The following PDK1 variants were observed in gnomAD, a reference collection of about 807,000 sequenced individuals.
PDK1 encodes the protein [Pyruvate dehydrogenase (acetyl-transferring)] kinase isozyme 1, mitochondrial.
A neutral mutation model predicts 54.2 loss-of-function variants in PDK1; 39 were observed. That is an observed-to-expected ratio of 0.72 (90% CI 0.56 to 0.94). The LOEUF is 0.94. Ranked by LOEUF, PDK1 falls within the 40% of genes least tolerant of loss-of-function variation. The probability of loss-of-function intolerance (pLI) is 0.00; values close to 1 mark genes in which losing one functional copy is unlikely to be tolerated. For synonymous variants in PDK1, 221 were observed against 207.1 expected, an observed-to-expected ratio of 1.07 and a Z score of -0.58; for missense variants, 552 against 566.0, an observed-to-expected ratio of 0.98 and a Z score of 0.25.
chr2:172,562,472 T>C (rs1688707345), intron 3 of PDK1, among the ~76,000 whole-genome samples, 181 bp downstream of exon 3: 1 of 152,238 alleles, frequency 6.6e-6, no homozygotes, highest in Non-Finnish European at 1.5e-5. Context: ...TTCGTGTTCC[T>C]CTTTAACAAA....
At chr2:172,684,329 G>A in the PDK1 span, among the ~76,000 whole-genome samples, 1 of 152,124 alleles carries the variant, frequency 6.6e-6, no homozygotes, top group Non-Finnish European at 1.5e-5. Context: ...CACTGAGGTG[G>A]GAGGATTGCT....
At chr2:172,676,553 G>C in the PDK1 span, among the ~76,000 whole-genome samples, 1 of 152,196 alleles carries the variant, frequency 6.6e-6, no homozygotes, top group Non-Finnish European at 1.5e-5. Context: ...AGATGTGACT[G>C]AATTGCTACA....
At chr2:172,563,345 G>A (rs1178090137) in intron 3 of PDK1, among the ~76,000 whole-genome samples, 1 of 152,126 alleles carries the variant, frequency 6.6e-6, no homozygotes, top group Non-Finnish European at 1.5e-5. Context: ...GAGTTTTGTT[G>A]TTTGTATTTT....
chr2:172,650,168 A>T, the PDK1 span, among the ~76,000 whole-genome samples: 1 of 152,214 alleles, frequency 6.6e-6, no homozygotes, highest in East Asian at 1.9e-4. Flanking sequence ...GCCAGAAGAG[A>T]GTGGGGGCCA....
chr2:172,581,343 C>T (rs187413481), intron 8 of PDK1, among the ~76,000 whole-genome samples: 4 of 152,074 alleles, frequency 2.6e-5, no homozygotes, highest in African/African-American at 7.2e-5. Flanking sequence ...CGTCTGCCTC[C>T]GCCTCCCAAA....
the PDK1 span, among the ~76,000 whole-genome samples, chr2:172,671,808 C>G: frequency 6.6e-6 from 1 of 152,118 alleles, no homozygotes; most frequent in Non-Finnish European, 1.5e-5. Flanking sequence ...TTTATCATTG[C>G]CCTTAGGATA....
chr2:172,680,518 T>G, the PDK1 span, among the ~76,000 whole-genome samples: 12 of 151,978 alleles, frequency 7.9e-5, no homozygotes, highest in African/African-American at 2.9e-4. Context: ...TGCCCACTAA[T>G]TTTTATTTAT....
chr2:172,562,280 A>G lies in PDK1; in HGVS notation c.399A>G (p.Lys133=). ...AGGACAAAAGTGCTGAGGATGCTAA[A>G]GCTATTTATGAGTAAGTTCACTATT... ...DFKDKSAEDA[K]AIYDFTDTVI... The change falls in exon 3 of 11, where the codon AAA becomes AAG. Residue 133 remains lysine, a synonymous_variant. Transcript: ENST00000282077. 6.3e-7 allele frequency: 1 copy of G among 1,591,500 alleles called. No homozygotes were observed. The highest frequency in any genetic ancestry group is 1.3e-5 in the African/African-American group (1 of 74,606).
Position 172,586,275 on chromosome 2 carries a change from T to C in PDK1, c.946-3T>C. Reference sequence around the variant, plus strand: ...ATAGAGCACGATCCTTTTCTTACCTTAGATGAGTGACCGAGGAGGTGGCGT... The same window carrying C: ...ATAGAGCACGATCCTTTTCTTACCTCAGATGAGTGACCGAGGAGGTGGCGT... On this transcript the variant is annotated splice_region_variant and splice_polypyrimidine_tract_variant and intron_variant, in intron 8 of 10. Transcript: ENST00000282077. 1 of 1,592,274 alleles carries C rather than the reference T, an allele frequency of 6.3e-7. No individual in the cohort carries two copies. The highest frequency in any genetic ancestry group is 8.6e-7 in the Non-Finnish European group (1 of 1,160,382).
chr2:172,660,020 C>T, the PDK1 span, among the ~76,000 whole-genome samples: 3 of 152,014 alleles, frequency 2.0e-5, no homozygotes, highest in South Asian at 2.1e-4. Context: ...TCTGATGCTG[C>T]ATGGGGGTTC....
chr2:172,634,552 C>T, the PDK1 span, among the ~76,000 whole-genome samples: 1 of 151,924 alleles, frequency 6.6e-6, no homozygotes. Context: ...GGATGCCAGG[C>T]GTGAGCCACC....
chr2:172,722,236 C>A, the PDK1 span, among the ~76,000 whole-genome samples: 1 of 152,352 alleles, frequency 6.6e-6, no homozygotes, highest in African/African-American at 2.4e-5. Flanking sequence ...ATCCCCCAAG[C>A]CTGGAGTCAA....
the PDK1 span, among the ~76,000 whole-genome samples, chr2:172,715,586 A>G: frequency 6.6e-6 from 1 of 152,192 alleles, no homozygotes; most frequent in Non-Finnish European, 1.5e-5. Flanking sequence ...TTGAGTTGTT[A>G]TGTGACAACT....
the PDK1 span, among the ~76,000 whole-genome samples, chr2:172,673,301 A>G: frequency 1.1e-4 from 17 of 152,246 alleles, 1 homozygote; most frequent in East Asian, 1.9e-3. Context: ...CGCATGTTCA[A>G]TTGAGGCATT....
the PDK1 span, among the ~76,000 whole-genome samples, chr2:172,691,116 G>A: frequency 4.0e-4 from 60 of 150,378 alleles, 7 homozygotes; most frequent in Admixed American, 4.0e-3. Context: ...ATTTTTAAAA[G>A]CGACTAGCTT....
intron 2 of PDK1, among the ~76,000 whole-genome samples, chr2:172,560,869 A>C (rs1688619233): frequency 6.6e-6 from 1 of 152,216 alleles, no homozygotes; most frequent in Admixed American, 6.5e-5. Flanking sequence ...GCTTCAAACA[A>C]ATGAGTTGCC....
the PDK1 span, among the ~76,000 whole-genome samples, chr2:172,651,189 T>C: frequency 6.6e-6 from 1 of 152,084 alleles, no homozygotes; most frequent in Non-Finnish European, 1.5e-5. Context: ...ACCGCTCAAC[T>C]ACATGGAAAC....
At chr2:172,577,272 TTG>T (rs1196755472) in intron 8 of PDK1, among the ~76,000 whole-genome samples, 1 of 152,184 alleles carries the variant, frequency 6.6e-6, no homozygotes, top group Non-Finnish European at 1.5e-5. Context: ...CCAACTCTTT[TTG>T]TTTCTGTTTT....
intron 9 of PDK1, among the ~76,000 whole-genome samples, chr2:172,591,560 A>G (rs1052348909): frequency 6.6e-6 from 1 of 152,168 alleles, no homozygotes; most frequent in Non-Finnish European, 1.5e-5. Context: ...TAGTAGGATA[A>G]TGAAGTAGAT....
Sources: gnomAD v4.1 joint callset for allele counts (sites outside exome capture counted in the v4.1 genomes callset) on GRCh38, gnomAD v4.1.1 for gene constraint, MANE v1.5 for transcripts, NCBI Gene and HGNC (gene_info 2026-07-23, HGNC 2026-07-21) for gene names.